Variants in RALYL observed in about 807,000 individuals in gnomAD.
The protein encoded by RALYL is RALY RNA binding protein like, also known as RNA-binding Raly-like protein.
A neutral mutation model predicts 35.1 loss-of-function variants in RALYL; 29 were observed. The observed-to-expected ratio is 0.83, with a 90% confidence interval of 0.61 to 1.13. The LOEUF is 1.13. Ranked by LOEUF, RALYL falls within the 50% of genes most tolerant of loss-of-function variation. The pLI, the probability that RALYL is intolerant of heterozygous loss-of-function variation, is 0.00. For missense variants in RALYL, 359 were observed against 360.4 expected (o/e 1.00, Z 0.03); for synonymous variants, 120 against 127.6 (o/e 0.94, Z 0.40).
intron 2 of RALYL, among the ~76,000 whole-genome samples, chr8:84,684,633 C>T (rs1258926603): frequency 6.6e-6 from 1 of 152,166 alleles, no homozygotes; most frequent in Non-Finnish European, 1.5e-5. Context: ...AAGGTCAGAA[C>T]TGAGAAGACC....
Position 84,468,428 on chromosome 8 carries a change from T to A in RALYL, c.-23-60871T>A, listed in dbSNP as rs938487424. On this transcript the variant is annotated intron_variant, in intron 1 of 8. Coordinates refer to ENST00000521268, the MANE Select transcript of RALYL (RefSeq NM_173848.7). ...AGCTTAGTTTGGCTGGATATGAAAT[T>A]CTGGGTTCAAAATTCTTTTCTTTAA... Among the ~76,000 whole-genome samples the A allele has an allele frequency of 1.5e-4, 22 of 151,312 alleles. No homozygotes were observed. In the East Asian group the frequency reaches 3.7e-3, roughly 26 times the overall value.
At chr8:84,679,591 T>G in intron 2 of RALYL, 1 of 453,836 alleles carries the variant, frequency 2.2e-6, no homozygotes, top group Non-Finnish European at 4.5e-6. Context: ...ACGCCTGCCT[T>G]ATCTTCTTTG....
At chr8:84,824,096 C>A (rs2134271772) in intron 4 of RALYL, among the ~76,000 whole-genome samples, 1 of 152,122 alleles carries the variant, frequency 6.6e-6, no homozygotes, top group Non-Finnish European at 1.5e-5. Flanking sequence ...GATTTTATAC[C>A]TAGAATGCCC....
intron 1 of RALYL, among the ~76,000 whole-genome samples, chr8:84,196,314 A>G (rs1387217902): frequency 6.6e-6 from 1 of 152,200 alleles, no homozygotes; most frequent in Non-Finnish European, 1.5e-5. Context: ...AGAAAGAAGG[A>G]GGTCAACAAT....
At chr8:84,721,432 A>T (rs539756938) in intron 2 of RALYL, among the ~76,000 whole-genome samples, 2 of 152,126 alleles carry the variant, frequency 1.3e-5, no homozygotes, top group Non-Finnish European at 2.9e-5. Context: ...CATATGCACA[A>T]TGTAATAGTT....
intron 1 of RALYL, among the ~76,000 whole-genome samples, chr8:84,232,598 A>G (rs1047368379): frequency 6.6e-6 from 1 of 152,184 alleles, no homozygotes; most frequent in African/African-American, 2.4e-5. Context: ...AAGTGTTCTC[A>G]CCACAAAAAT....
At chr8:84,464,180 G>A (rs980039578) in intron 1 of RALYL, among the ~76,000 whole-genome samples, 5 of 144,542 alleles carry the variant, frequency 3.5e-5, no homozygotes, top group Admixed American at 1.4e-4. Context: ...TAGGGTACAT[G>A]TGCACATTGT....
intron 1 of RALYL, among the ~76,000 whole-genome samples, chr8:84,212,400 T>G (rs1161184718): frequency 6.6e-6 from 1 of 152,170 alleles, no homozygotes; most frequent in African/African-American, 2.4e-5. Context: ...CATGACGCCT[T>G]CATTTTTTTT....
chr8:84,819,093 G>A (rs1045680151), intron 4 of RALYL, among the ~76,000 whole-genome samples: 2 of 152,086 alleles, frequency 1.3e-5, no homozygotes, highest in Non-Finnish European at 2.9e-5. Flanking sequence ...AAGGGATAAG[G>A]AGACAAAGCC....
intron 1 of RALYL, among the ~76,000 whole-genome samples, chr8:84,426,832 A>T (rs1264781116): frequency 6.6e-6 from 1 of 152,174 alleles, no homozygotes; most frequent in Non-Finnish European, 1.5e-5. Flanking sequence ...ATGTGGGAAA[A>T]GGGAACTCTT....
intron 1 of RALYL, among the ~76,000 whole-genome samples, chr8:84,358,388 A>G (rs139797472): frequency 2.6e-5 from 4 of 152,092 alleles, no homozygotes; most frequent in African/African-American, 9.6e-5. Context: ...CTCTTAGAAG[A>G]TAAAATTGTG....
chr8:84,778,026 T>C (rs1213346939), intron 3 of RALYL, among the ~76,000 whole-genome samples: 3 of 152,188 alleles, frequency 2.0e-5, no homozygotes, highest in Non-Finnish European at 4.4e-5. Context: ...CAAGATATAT[T>C]TAGTGTGTAT....
At chr8:84,911,541 G>T (rs1308232628) in intron 8 of RALYL, among the ~76,000 whole-genome samples, 1 of 152,098 alleles carries the variant, frequency 6.6e-6, no homozygotes, top group South Asian at 2.1e-4. Flanking sequence ...TGGTAGAGGG[G>T]TTTCCCCACA....
At chr8:84,329,520 T>C (rs968690029) in intron 1 of RALYL, among the ~76,000 whole-genome samples, 13 of 152,100 alleles carry the variant, frequency 8.5e-5, no homozygotes, top group African/African-American at 3.1e-4. Context: ...GTTAGATGCA[T>C]AGTTTGCAAA....
chr8:84,338,824 G>A (rs1848275167), intron 1 of RALYL, among the ~76,000 whole-genome samples: 2 of 152,028 alleles, frequency 1.3e-5, no homozygotes, highest in Admixed American at 6.6e-5. Flanking sequence ...GATAGTGATA[G>A]CATCTTATGC....
At chr8:84,726,567 C>T (rs1289321942) in intron 2 of RALYL, among the ~76,000 whole-genome samples, 1 of 151,406 alleles carries the variant, frequency 6.6e-6, no homozygotes, top group Non-Finnish European at 1.5e-5. Context: ...GTAGAAATTG[C>T]CTTAAATTCA....
intron 1 of RALYL, among the ~76,000 whole-genome samples, chr8:84,384,210 G>A (rs1486662397): frequency 6.6e-6 from 1 of 151,548 alleles, no homozygotes; most frequent in Non-Finnish European, 1.5e-5. Context: ...TTAAAATGGG[G>A]ATAACACTTG....
intron 1 of RALYL, among the ~76,000 whole-genome samples, chr8:84,473,782 A>C (rs2053071747): frequency 6.6e-6 from 1 of 151,938 alleles, no homozygotes; most frequent in South Asian, 2.1e-4. Context: ...ATTTTTAATA[A>C]ATAAATTATT....
intron 1 of RALYL, among the ~76,000 whole-genome samples, chr8:84,235,135 A>C (rs1736005761): frequency 6.6e-6 from 1 of 152,194 alleles, no homozygotes; most frequent in Non-Finnish European, 1.5e-5. Flanking sequence ...TTTATTATGA[A>C]TATTTTATGA....
Sources: gnomAD v4.1 joint callset for allele counts (sites outside exome capture counted in the v4.1 genomes callset) on GRCh38, gnomAD v4.1.1 for gene constraint, MANE v1.5 for transcripts, NCBI Gene and HGNC (gene_info 2026-07-23, HGNC 2026-07-21) for gene names.